The following CTNNBL1 variants were observed in gnomAD, a reference collection of about 807,000 sequenced individuals.
The protein encoded by CTNNBL1 is catenin beta like 1, also known as beta-catenin-like protein 1.
A neutral mutation model predicts 72.7 loss-of-function variants in CTNNBL1; 31 were observed. That is an observed-to-expected ratio of 0.43 (90% CI 0.32 to 0.58). The LOEUF (loss-of-function observed/expected upper bound fraction) is 0.58. Among genes scored for constraint, CTNNBL1 ranks in the 20% least tolerant of loss-of-function variants. The probability of loss-of-function intolerance (pLI) is 0.08; values close to 1 mark genes in which losing one functional copy is unlikely to be tolerated. For missense variants in CTNNBL1, 534 were observed against 725.1 expected, an observed-to-expected ratio of 0.74 and a Z score of 3.03; for synonymous variants, 240 against 267.3, an observed-to-expected ratio of 0.90 and a Z score of 1.00.
chr20:37,720,450 T>A (rs557140971), intron 1 of CTNNBL1, among the ~76,000 whole-genome samples: 3 of 152,234 alleles, frequency 2.0e-5, no homozygotes, highest in Non-Finnish European at 4.4e-5. Flanking sequence ...TGAGCCACAT[T>A]GCATGGCCTA....
intron 11 of CTNNBL1, among the ~76,000 whole-genome samples, chr20:37,816,313 T>C (rs2072058671): frequency 6.6e-6 from 1 of 152,202 alleles, no homozygotes; most frequent in Admixed American, 6.5e-5. Context: ...TGGGAGCTGG[T>C]CCTGGGGGTG....
At chr20:37,868,293 C>CT (rs34129953) in intron 15 of CTNNBL1, among the ~76,000 whole-genome samples, 47 of 148,750 alleles carry the variant, frequency 3.2e-4, no homozygotes, top group South Asian at 8.5e-4. Context: ...TTTTAGGGGC[C>CT]TTTTTTTTTT....
intron 10 of CTNNBL1, among the ~76,000 whole-genome samples, chr20:37,790,674 A>G (rs1340307672): frequency 6.6e-6 from 1 of 152,232 alleles, no homozygotes; most frequent in Non-Finnish European, 1.5e-5. Flanking sequence ...GCTGTGGCAA[A>G]GAAGGTAGAT....
At chr20:37,869,284 G>C (rs1044575216) in intron 15 of CTNNBL1, among the ~76,000 whole-genome samples, 2 of 152,226 alleles carry the variant, frequency 1.3e-5, no homozygotes, top group African/African-American at 4.8e-5. Flanking sequence ...GCAGGGGTGG[G>C]GCTGACAGGG....
intron 11 of CTNNBL1, among the ~76,000 whole-genome samples, chr20:37,812,207 A>G (rs907897690): frequency 6.6e-6 from 1 of 152,216 alleles, no homozygotes; most frequent in Non-Finnish European, 1.5e-5. Context: ...GTGACAAATA[A>G]TGATCATGAG....
chr20:37,819,723 G>A (rs2072088789), intron 11 of CTNNBL1, among the ~76,000 whole-genome samples: 3 of 152,092 alleles, frequency 2.0e-5, no homozygotes, highest in African/African-American at 7.2e-5. Flanking sequence ...ACCAGCCTGA[G>A]CAGACACTTC....
intron 3 of CTNNBL1, among the ~76,000 whole-genome samples, chr20:37,738,383 C>T (rs777778421): frequency 7.9e-5 from 12 of 152,324 alleles, no homozygotes; most frequent in Admixed American, 2.0e-4. Context: ...TGATAGTTAA[C>T]GTGAGTTTTA....
intron 10 of CTNNBL1, among the ~76,000 whole-genome samples, chr20:37,788,160 G>A (rs909464325): frequency 6.6e-6 from 1 of 152,128 alleles, no homozygotes; most frequent in Non-Finnish European, 1.5e-5. Context: ...AGTTTTGAAG[G>A]TTGGGTGCTA....
intron 15 of CTNNBL1, among the ~76,000 whole-genome samples, chr20:37,864,265 T>C (rs769462541): frequency 7.1e-6 from 1 of 141,038 alleles, no homozygotes; most frequent in African/African-American, 2.7e-5. Context: ...AGCTCATCAG[T>C]CTGTCCTCTT....
At chr20:37,794,350 T>C (rs1182539873) in intron 10 of CTNNBL1, among the ~76,000 whole-genome samples, 1 of 152,172 alleles carries the variant, frequency 6.6e-6, no homozygotes, top group Non-Finnish European at 1.5e-5. Flanking sequence ...ACAGTCTTGC[T>C]CTGTCACCCA....
intron 4 of CTNNBL1, among the ~76,000 whole-genome samples, chr20:37,754,734 A>G (rs2073348596): frequency 6.6e-6 from 1 of 152,186 alleles, no homozygotes; most frequent in Non-Finnish European, 1.5e-5. Flanking sequence ...AATATGAAGT[A>G]TAGTTGGCAA....
chr20:37,719,638 A>G (rs891181041), intron 1 of CTNNBL1, among the ~76,000 whole-genome samples: 1 of 152,180 alleles, frequency 6.6e-6, no homozygotes, highest in Non-Finnish European at 1.5e-5. Flanking sequence ...ACAAGGGCCC[A>G]TATACGTGAC....
In CTNNBL1 at chr20:37,703,017, C is replaced by T. The variant is rs183831090; in HGVS notation, c.30+8865C>T. Among the ~76,000 whole-genome samples, 7 of 152,338 alleles carry T rather than the reference C, an allele frequency of 4.6e-5. No individual in the cohort carries two copies. The East Asian group carries it at 1.2e-3, about 25-fold the overall frequency. ...AAAATTGGGTTCACAACTGATACTT[C>T]AGTTGCTTAATCATTTTCCTCTTCT... On this transcript the variant is annotated intron_variant, in intron 1 of 15. Transcript: ENST00000361383.
intron 3 of CTNNBL1, among the ~76,000 whole-genome samples, chr20:37,742,735 T>C (rs1287741018): frequency 3.3e-5 from 5 of 151,260 alleles, no homozygotes; most frequent in African/African-American, 1.2e-4. Context: ...TAAAAAAAAA[T>C]AATAAAATAC....
chr20:37,852,565 A>G (rs905387302), intron 13 of CTNNBL1, among the ~76,000 whole-genome samples: 3 of 152,276 alleles, frequency 2.0e-5, no homozygotes, highest in East Asian at 1.9e-4. Context: ...ACATACCCAT[A>G]CGCAGGTAGA....
At chr20:37,871,320 A>C (rs1213914871) in intron 15 of CTNNBL1, among the ~76,000 whole-genome samples, 1 of 152,146 alleles carries the variant, frequency 6.6e-6, no homozygotes, top group Non-Finnish European at 1.5e-5. Context: ...GCTGTAACAA[A>C]ATCCCTGAGA....
intron 6 of CTNNBL1, among the ~76,000 whole-genome samples, chr20:37,765,576 T>A (rs2073459753): frequency 6.6e-6 from 1 of 152,244 alleles, no homozygotes. Flanking sequence ...AAAGTTAGGA[T>A]GAAACCTATG....
chr20:37,870,666 G>A (rs946061566), intron 15 of CTNNBL1, among the ~76,000 whole-genome samples: 1 of 152,078 alleles, frequency 6.6e-6, no homozygotes, highest in Non-Finnish European at 1.5e-5. Context: ...CCCCCATGGT[G>A]TCCCCCACAC....
chr20:37,752,809 A>G (rs544790665), intron 4 of CTNNBL1, among the ~76,000 whole-genome samples: 2 of 152,314 alleles, frequency 1.3e-5, no homozygotes, highest in African/African-American at 4.8e-5. Context: ...GGACAGGTAC[A>G]GAGGGAGTGC....
Sources: allele counts gnomAD v4.1 joint callset (sites outside exome capture counted in the v4.1 genomes callset), GRCh38; gene constraint gnomAD v4.1.1; transcripts MANE v1.5; gene names NCBI Gene and HGNC (gene_info 2026-07-23, HGNC 2026-07-21).